Variants in TBX15 observed in about 807,000 individuals in gnomAD.
TBX15 encodes T-box transcription factor 15.
TBX15 carries 18 observed loss-of-function variants against 53.9 expected under a neutral mutation model. That is an observed-to-expected ratio of 0.33 (90% CI 0.23 to 0.49). TBX15 has a LOEUF of 0.49. TBX15 is among the 20% of genes least tolerant of loss of function. The pLI, the probability that TBX15 is intolerant of heterozygous loss-of-function variation, is 0.98. For missense variants in TBX15, 692 were observed against 749.5 expected (o/e 0.92, Z 0.90); for synonymous variants, 295 against 278.0 (o/e 1.06, Z -0.61).
At position 118,987,582 on chromosome 1, in the gene TBX15, C is replaced by G. The variant is rs955480024; in HGVS notation, c.205+9G>C. ...GCCCGCCTCCCGCGGTCGGCTGCGA[C>G]GCACTCACCCGGGTGAGGCTCCAGG... On this transcript the variant is annotated intron_variant, in intron 1 of 7. Transcript: ENST00000369429. The G allele has an allele frequency of 1.3e-6, 2 of 1,542,574 alleles. No homozygotes were observed. Among genetic ancestry groups the G allele is most frequent in the Non-Finnish European group, 1.7e-6 (2 of 1,144,690 alleles).
intron 5 of TBX15, among the ~76,000 whole-genome samples, chr1:118,915,803 G>C (rs1384662979): frequency 1.3e-5 from 2 of 152,124 alleles, no homozygotes; most frequent in African/African-American, 2.4e-5. Flanking sequence ...TCTGACACAT[G>C]ACTGTGATAC....
chr1:118,918,329 C>T (rs1349933749), intron 5 of TBX15, among the ~76,000 whole-genome samples: 4 of 152,068 alleles, frequency 2.6e-5, no homozygotes, highest in African/African-American at 4.8e-5. Flanking sequence ...GTGTGACATG[C>T]TCATTGAATA....
intron 1 of TBX15, among the ~76,000 whole-genome samples, chr1:118,959,341 C>T (rs1225743357): frequency 6.6e-6 from 1 of 152,204 alleles, no homozygotes; most frequent in East Asian, 1.9e-4. Flanking sequence ...ATCAGCTCTC[C>T]TTTGGAAGGC....
intron 1 of TBX15, among the ~76,000 whole-genome samples, chr1:118,933,218 A>G (rs374745366): frequency 1.3e-5 from 2 of 152,280 alleles, no homozygotes; most frequent in East Asian, 3.9e-4. Context: ...CATCTCTGGC[A>G]AGAATATCTA....
At chr1:118,928,329 A>G (rs1461496351) in intron 2 of TBX15, among the ~76,000 whole-genome samples, 1 of 152,186 alleles carries the variant, frequency 6.6e-6, no homozygotes, top group African/African-American at 2.4e-5. Context: ...TCTAGGATAT[A>G]TTATCATTTA....
At chr1:118,975,629 G>A (rs1258404323) in intron 1 of TBX15, among the ~76,000 whole-genome samples, 1 of 152,162 alleles carries the variant, frequency 6.6e-6, no homozygotes, top group East Asian at 1.9e-4. Flanking sequence ...AATCTGTTAA[G>A]CCTCAATTTC....
intron 1 of TBX15, among the ~76,000 whole-genome samples, chr1:118,948,403 T>C (rs904277827): frequency 1.3e-5 from 2 of 152,126 alleles, no homozygotes; most frequent in African/African-American, 4.8e-5. Flanking sequence ...CTCAATCCAA[T>C]GGCAAAATGT....
intron 1 of TBX15, among the ~76,000 whole-genome samples, chr1:118,965,445 A>C (rs1458372140): frequency 2.6e-5 from 4 of 152,228 alleles, no homozygotes; most frequent in Non-Finnish European, 5.9e-5. Context: ...ATTGTTGGCA[A>C]ATGGATAGGA....
chr1:118,896,963 C>T (rs1654448684), intron 7 of TBX15, among the ~76,000 whole-genome samples: 1 of 152,054 alleles, frequency 6.6e-6, no homozygotes, highest in Admixed American at 6.6e-5. Context: ...TTTCTCTAAC[C>T]CCATCCCATC....
At chr1:118,905,207 A>G (rs1654772393) in intron 6 of TBX15, among the ~76,000 whole-genome samples, 1 of 152,122 alleles carries the variant, frequency 6.6e-6, no homozygotes, top group African/African-American at 2.4e-5. Flanking sequence ...ACCTAATTCC[A>G]TTTTTCGTTG....
At chr1:118,893,339 AG>A (rs1654234102) in intron 7 of TBX15, among the ~76,000 whole-genome samples, 3 of 71,528 alleles carry the variant, frequency 4.2e-5, no homozygotes, top group Admixed American at 1.2e-4. Flanking sequence ...GAAAGAAGGA[AG>A]GAAGGAAGGA....
At chr1:118,940,364 A>T (rs1451073071) in intron 1 of TBX15, among the ~76,000 whole-genome samples, 1 of 151,956 alleles carries the variant, frequency 6.6e-6, no homozygotes, top group African/African-American at 2.4e-5. Flanking sequence ...CCTAGGTAGA[A>T]GATCCAAATG....
At chr1:118,960,149 C>T (rs1006004752) in intron 1 of TBX15, among the ~76,000 whole-genome samples, 6 of 151,822 alleles carry the variant, frequency 4.0e-5, no homozygotes, top group African/African-American at 9.7e-5. Flanking sequence ...TTGAGTGAGG[C>T]GGGATGGGGG....
intron 5 of TBX15, among the ~76,000 whole-genome samples, chr1:118,921,742 A>G (rs1267159774): frequency 6.6e-6 from 1 of 152,182 alleles, no homozygotes; most frequent in African/African-American, 2.4e-5. Flanking sequence ...TGTTTCCCCA[A>G]ACAAGTTCCT....
intron 7 of TBX15, among the ~76,000 whole-genome samples, chr1:118,893,426 ATGG>A (rs1654254824): frequency 7.3e-6 from 1 of 136,942 alleles, no homozygotes; most frequent in Non-Finnish European, 1.5e-5. Context: ...GGAAAGAAAG[ATGG>A]AAGGAAGGAA....
intron 5 of TBX15, 22 bp from the exon 6 acceptor site, chr1:118,914,201 T>A (rs367887671): frequency 5.9e-5 from 95 of 1,607,266 alleles, no homozygotes; most frequent in Non-Finnish European, 7.7e-5. Flanking sequence ...CAAATAAGTA[T>A]GAATTGCTTT....
intron 1 of TBX15, among the ~76,000 whole-genome samples, chr1:118,941,619 C>T (rs929354961): frequency 2.0e-5 from 3 of 152,168 alleles, no homozygotes; most frequent in Non-Finnish European, 4.4e-5. Context: ...ATCATTCATT[C>T]GTTCAGCAAA....
chr1:118,951,242 C>A (rs77640079), intron 1 of TBX15, among the ~76,000 whole-genome samples: 3,157 of 152,226 alleles, frequency 0.021, 58 homozygotes, highest in Non-Finnish European at 0.034. Context: ...AAAAGGATAA[C>A]AAAATCATGA....
chr1:118,952,915 T>G (rs999088559), intron 1 of TBX15, among the ~76,000 whole-genome samples: 10 of 152,156 alleles, frequency 6.6e-5, no homozygotes, highest in African/African-American at 2.4e-4. Flanking sequence ...CCTTTAGCAC[T>G]TGAAGGAATG....
Sources: gnomAD v4.1 joint callset for allele counts (sites outside exome capture counted in the v4.1 genomes callset) on GRCh38, gnomAD v4.1.1 for gene constraint, MANE v1.5 for transcripts, NCBI Gene and HGNC (gene_info 2026-07-23, HGNC 2026-07-21) for gene names.